KIF14: variants seen among roughly 807,000 people sequenced by gnomAD.
KIF14 encodes kinesin-like protein KIF14.
Under a neutral mutation model 176.2 loss-of-function variants are expected in KIF14, and 98 were observed. The ratio of observed to expected loss-of-function variants is 0.56; its 90% CI spans 0.47 to 0.66. KIF14 has a LOEUF of 0.66. Among genes scored for constraint, KIF14 ranks in the 30% least tolerant of loss-of-function variants. The pLI, the probability that KIF14 is intolerant of heterozygous loss-of-function variation, is 0.00. For missense variants in KIF14, 1,751 were observed against 1,920.4 expected (o/e 0.91, Z 1.65); for synonymous variants, 566 against 632.2 (o/e 0.90, Z 1.57).
At position 200,575,546 on chromosome 1, in the gene KIF14, T is replaced by C. The variant is rs541592723; in HGVS notation, c.3566+45A>G. ...TTACACACACACACACACACACACATGCACACACAAAGTGCAAGAAAACTA... is the reference window on the plus strand; with the variant it reads ...TTACACACACACACACACACACACACGCACACACAAAGTGCAAGAAAACTA... On this transcript the variant is annotated intron_variant, in intron 22 of 29. Transcript: ENST00000367350. The C allele has an allele frequency of 1.7e-3, 1,603 of 957,378 alleles. 5 individuals are homozygous for C. The highest frequency in any genetic ancestry group is 3.3e-3 in the South Asian group (202 of 61,456). 59.3% of individuals were successfully genotyped at this position (957,378 alleles called of 1,614,324 possible). A position where few individuals can be genotyped will look rare whatever the true frequency, so the allele number is the denominator to read the frequency against.
intron 25 of KIF14, among the ~76,000 whole-genome samples, chr1:200,564,197 G>T (rs887497726): frequency 6.7e-6 from 1 of 148,980 alleles, no homozygotes; most frequent in Non-Finnish European, 1.5e-5. Context: ...AGGAGCAGAG[G>T]GGCAGTGAGC....
intron 14 of KIF14, among the ~76,000 whole-genome samples, chr1:200,595,640 T>C (rs1304266615): frequency 6.6e-6 from 1 of 152,168 alleles, no homozygotes; most frequent in East Asian, 1.9e-4. Context: ...AACAAAAGGA[T>C]ATGCCCTAAC....
rs769396740 is a variant in KIF14 at position 200,617,763 on chromosome 1, A to G, written c.961T>C (p.Phe321Leu). Residue 321 changes from phenylalanine to leucine, a missense_variant, in exon 2 of 30, where the codon TTT (phenylalanine) becomes CTT (leucine). Coordinates refer to ENST00000367350, the MANE Select transcript of KIF14 (RefSeq NM_014875.3). ...LQVKQRPKSSFLANKQERSAE... is the reference protein window; with the variant it reads ...LQVKQRPKSSLLANKQERSAE... ...GATCTTTCCTGTTTATTTGCAAGAA[A>G]GGAACTTTTTGGTCTTTGTTTAACT... 3.7e-5 allele frequency: 60 copies of G among 1,614,064 alleles called. No individual in the cohort carries two copies. The highest frequency in any genetic ancestry group is 3.3e-4 in the Middle Eastern group (2 of 6,084).
chr1:200,581,238 TAG>T lies in KIF14; in HGVS notation c.3296_3297del (p.Ala1099AspfsTer15), dbSNP rs752514390. On this transcript the variant is annotated frameshift_variant, in exon 20 of 30. Transcript: ENST00000367350. LOFTEE classifies it high-confidence loss of function. ...KLSMMIQEAN[A>X]ISSKLKTYYV... is the part of the protein sequence containing the mutation. ...TAGTATGTTTTCAATTTGCTGCTGATAGCATTGGCTTCCTGAATCATCATTGA... is the reference window on the plus strand; with the variant it reads ...TAGTATGTTTTCAATTTGCTGCTGATCATTGGCTTCCTGAATCATCATTGA... 6.2e-7 allele frequency: 1 copy of T among 1,605,028 alleles called. No homozygotes were observed. Among genetic ancestry groups the T allele is most frequent in the African/African-American group, 1.3e-5 (1 of 74,176 alleles).
At chr1:200,594,195 A>G (rs989996161) in intron 14 of KIF14, among the ~76,000 whole-genome samples, 3 of 151,860 alleles carry the variant, frequency 2.0e-5, no homozygotes, top group Admixed American at 6.6e-5. Flanking sequence ...TCGGCCTCCC[A>G]AAATGCTGGG....
At chr1:200,608,358 GCTT>G (rs1558088227) in intron 5 of KIF14, among the ~76,000 whole-genome samples, 1 of 141,950 alleles carries the variant, frequency 7.0e-6, no homozygotes, top group East Asian at 2.2e-4. Context: ...ATAATGTTCC[GCTT>G]CTTTTCTTTT....
At chr1:200,561,930 G>A (rs996088955) in intron 25 of KIF14, among the ~76,000 whole-genome samples, 8 of 152,036 alleles carry the variant, frequency 5.3e-5, no homozygotes, top group Non-Finnish European at 7.4e-5. Flanking sequence ...GGAAGCAAAA[G>A]GGATGGAAAA....
chr1:200,602,347 G>A (rs1659667966), intron 10 of KIF14, among the ~76,000 whole-genome samples: 1 of 152,120 alleles, frequency 6.6e-6, no homozygotes, highest in African/African-American at 2.4e-5. Context: ...GCTACCATAG[G>A]GAAGGGACTA....
intron 11 of KIF14, 52 bp downstream of exon 11, chr1:200,601,844 T>G: frequency 2.9e-6 from 4 of 1,385,842 alleles, no homozygotes; most frequent in Non-Finnish European, 1.0e-6. Flanking sequence ...GCAACTAATA[T>G]CTGGGACTAA....
In KIF14 at chr1:200,580,395, A is replaced by G; in HGVS notation, c.3336-12T>C. 1 of 1,440,020 alleles carries G rather than the reference A, an allele frequency of 6.9e-7. No homozygotes were observed. The allele number at this position is 1,440,020 out of a possible 1,614,324, so 89.2% of individuals were successfully genotyped here. A position where few individuals can be genotyped will look rare whatever the true frequency, so the allele number is the denominator to read the frequency against. ...CTGATATATCATGTCTGAAAGAAAA[A>G]TAAACAAAAAAAAGCTTATCCTGAA... is the stretch of plus-strand genomic sequence containing the variant. On this transcript the variant is annotated splice_polypyrimidine_tract_variant and intron_variant, in intron 20 of 29. Transcript: ENST00000367350.
In KIF14 at chr1:200,581,236, G is replaced by GA; in HGVS notation, c.3299dup (p.Ser1101GlnfsTer14). ...CATAGTATGTTTTCAATTTGCTGCT[G>GA]ATAGCATTGGCTTCCTGAATCATCA... On this transcript the variant is annotated frameshift_variant, in exon 20 of 30. Coordinates refer to ENST00000367350, the MANE Select transcript of KIF14 (RefSeq NM_014875.3). LOFTEE classifies it high-confidence loss of function. 6.2e-7 allele frequency: 1 copy of GA among 1,602,870 alleles called. No individual in the cohort carries two copies. Among genetic ancestry groups the GA allele is most frequent in the Non-Finnish European group, 8.5e-7 (1 of 1,175,316 alleles).
chr1:200,594,941 C>T (rs896125331), intron 14 of KIF14, among the ~76,000 whole-genome samples: 1 of 152,156 alleles, frequency 6.6e-6, no homozygotes, highest in African/African-American at 2.4e-5. Flanking sequence ...CTTTCCTCTC[C>T]TAATTCTATC....
chr1:200,619,415 C>T (rs1365407824), intron 1 of KIF14, among the ~76,000 whole-genome samples: 2 of 151,906 alleles, frequency 1.3e-5, no homozygotes, highest in African/African-American at 2.4e-5. Context: ...TGCAGTGGCA[C>T]GACCTTGGCT....
At chr1:200,598,193 T>A (rs767387549) in intron 14 of KIF14, 44 bp downstream of exon 14, 1 of 1,533,592 alleles carries the variant, frequency 6.5e-7, no homozygotes, top group Non-Finnish European at 8.9e-7. Context: ...GTTATCAAGA[T>A]ATAGAACAGG....
intron 22 of KIF14, among the ~76,000 whole-genome samples, chr1:200,574,054 T>A (rs1487709523): frequency 6.6e-6 from 1 of 152,166 alleles, no homozygotes; most frequent in Admixed American, 6.5e-5. Flanking sequence ...CCTCTCTAAA[T>A]CTCAGTTTCT....
intron 11 of KIF14, among the ~76,000 whole-genome samples, chr1:200,601,619 G>T (rs897555516): frequency 6.6e-6 from 1 of 152,132 alleles, no homozygotes; most frequent in Non-Finnish European, 1.5e-5. Flanking sequence ...TGCTGCACAC[G>T]TCTATGACTG....
chr1:200,615,250 G>A lies in KIF14; in HGVS notation c.1367+105C>T, dbSNP rs1050301452. The A allele has an allele frequency of 6.1e-5, 75 of 1,219,926 alleles. No individual in the cohort carries two copies. The Middle Eastern group carries it at 1.1e-3, about 18-fold the overall frequency. The allele number at this position is 1,219,926 out of a possible 1,614,324, so 75.6% of individuals were successfully genotyped here. On this transcript the variant is annotated intron_variant, in intron 3 of 29. Transcript: ENST00000367350. ...ATAAAATGGATGAGATTTGGGCCAA[G>A]ATCTGTGTGATTTCAAAACTATATT...
chr1:200,611,945 T>G (rs182888687), intron 4 of KIF14, among the ~76,000 whole-genome samples: 1 of 152,320 alleles, frequency 6.6e-6, no homozygotes, highest in East Asian at 1.9e-4. Flanking sequence ...ACATTTCTAC[T>G]GCAGTGATGA....
At chr1:200,566,672 T>C (rs1167046848) in intron 23 of KIF14, among the ~76,000 whole-genome samples, 2 of 151,566 alleles carry the variant, frequency 1.3e-5, no homozygotes, top group East Asian at 2.0e-4. Flanking sequence ...AGCGTGATCA[T>C]AGCACACTGA....
Sources: gnomAD v4.1 joint callset for allele counts (sites outside exome capture counted in the v4.1 genomes callset) on GRCh38, gnomAD v4.1.1 for gene constraint, MANE v1.5 for transcripts, NCBI Gene and HGNC (gene_info 2026-07-23, HGNC 2026-07-21) for gene names.